KCNH1: variants seen among roughly 807,000 people sequenced by gnomAD.
KCNH1 encodes potassium voltage-gated channel subfamily H member 1.
KCNH1 carries 27 observed loss-of-function variants against 69.2 expected under a neutral mutation model. That is an observed-to-expected ratio of 0.39 (90% confidence interval 0.29 to 0.54). The LOEUF (loss-of-function observed/expected upper bound fraction) is 0.54, where lower values mean the gene tolerates loss of function less well. Among genes scored for constraint, KCNH1 ranks in the 20% least tolerant of loss-of-function variants. KCNH1 has a pLI of 0.68. For synonymous variants in KCNH1, 456 were observed against 487.7 expected (o/e 0.93, Z 0.86); for missense variants, 798 against 1,261.6 (o/e 0.63, Z 5.57).
chr1:210,841,553 T>C (rs1007320527), intron 7 of KCNH1, among the ~76,000 whole-genome samples: 14 of 152,190 alleles, frequency 9.2e-5, no homozygotes, highest in Non-Finnish European at 1.5e-5. Flanking sequence ...CTTAAGAAAT[T>C]GACATGTTTC....
At chr1:210,935,919 T>G (rs1187718876) in intron 6 of KCNH1, among the ~76,000 whole-genome samples, 2 of 152,350 alleles carry the variant, frequency 1.3e-5, no homozygotes, top group East Asian at 3.9e-4. Flanking sequence ...GTGCAAGCTA[T>G]CAAATTTTAG....
chr1:210,963,294 A>G (rs1189694946), intron 6 of KCNH1, among the ~76,000 whole-genome samples: 5 of 152,176 alleles, frequency 3.3e-5, no homozygotes, highest in Non-Finnish European at 7.3e-5. Flanking sequence ...CACCAACATT[A>G]AAGTCCAAAG....
At chr1:210,928,356 C>T (rs1430325016) in intron 6 of KCNH1, among the ~76,000 whole-genome samples, 8 of 152,022 alleles carry the variant, frequency 5.3e-5, no homozygotes, top group Admixed American at 1.3e-4. Flanking sequence ...ATCTAAATTA[C>T]ATAAAGTACT....
chr1:210,741,643 G>T (rs1485512288), intron 10 of KCNH1, among the ~76,000 whole-genome samples: 1 of 152,200 alleles, frequency 6.6e-6, no homozygotes, highest in African/African-American at 2.4e-5. Context: ...GGCACAGGAG[G>T]TTAATGGAAG....
intron 7 of KCNH1, among the ~76,000 whole-genome samples, chr1:210,838,632 C>G (rs1191100444): frequency 6.6e-6 from 1 of 152,086 alleles, no homozygotes; most frequent in East Asian, 1.9e-4. Flanking sequence ...TAAACACAAC[C>G]TATAGAATGG....
At chr1:211,015,007 G>T (rs548007566) in intron 6 of KCNH1, among the ~76,000 whole-genome samples, 152 of 145,868 alleles carry the variant, frequency 1.0e-3, no homozygotes, top group African/African-American at 3.7e-3. Flanking sequence ...CCAACATCCT[G>T]TAACAAACAT....
At chr1:210,720,960 T>C (rs187253452) in intron 10 of KCNH1, among the ~76,000 whole-genome samples, 1 of 152,322 alleles carries the variant, frequency 6.6e-6, no homozygotes, top group Admixed American at 6.5e-5. Context: ...TGTATCTCTT[T>C]CTTTTATAAC....
intron 9 of KCNH1, among the ~76,000 whole-genome samples, chr1:210,797,183 G>A (rs1684331905): frequency 6.6e-6 from 1 of 152,166 alleles, no homozygotes; most frequent in African/African-American, 2.4e-5. Flanking sequence ...CATAGGTACA[G>A]GAAGCCTTCC....
intron 3 of KCNH1, among the ~76,000 whole-genome samples, chr1:211,099,077 C>T (rs1691208824): frequency 6.6e-6 from 1 of 152,138 alleles, no homozygotes; most frequent in Non-Finnish European, 1.5e-5. Flanking sequence ...AATTGAGCCT[C>T]ATAAATATCT....
chr1:210,685,721 CAGATGA>C (rs3067942), intron 10 of KCNH1, among the ~76,000 whole-genome samples: 51,827 of 151,644 alleles, frequency 0.34, 10,123 homozygotes, highest in South Asian at 0.52. Flanking sequence ...TCACAGCCCC[CAGATGA>C]AGATGACAAG....
intron 7 of KCNH1, among the ~76,000 whole-genome samples, chr1:210,825,106 T>C (rs891243147): frequency 6.6e-6 from 1 of 152,246 alleles, no homozygotes; most frequent in South Asian, 2.1e-4. Flanking sequence ...TTCCTTGAAG[T>C]GATGGGTTCA....
At chr1:211,106,404 T>C (rs903847088) in intron 2 of KCNH1, among the ~76,000 whole-genome samples, 3 of 152,186 alleles carry the variant, frequency 2.0e-5, no homozygotes, top group African/African-American at 7.2e-5. Context: ...CAGTACAATT[T>C]GCTAAGAGTT....
chr1:211,101,105 T>G (rs1442915020), intron 3 of KCNH1, among the ~76,000 whole-genome samples: 1 of 152,202 alleles, frequency 6.6e-6, no homozygotes, highest in Non-Finnish European at 1.5e-5. Flanking sequence ...TTTCCTTCCC[T>G]GACCCCCTAG....
intron 6 of KCNH1, among the ~76,000 whole-genome samples, chr1:210,963,029 T>G (rs1402506387): frequency 6.6e-6 from 1 of 151,868 alleles, no homozygotes; most frequent in East Asian, 1.9e-4. Context: ...CTTATTGCTT[T>G]GTGGAACTTT....
intron 5 of KCNH1, among the ~76,000 whole-genome samples, chr1:211,061,826 A>T (rs946008253): frequency 1.3e-5 from 2 of 152,282 alleles, no homozygotes; most frequent in African/African-American, 4.8e-5. Context: ...GACACACACA[A>T]AAAAGGAAAA....
intron 6 of KCNH1, among the ~76,000 whole-genome samples, chr1:210,993,110 C>T (rs746896688): frequency 5.9e-5 from 9 of 152,314 alleles, no homozygotes; most frequent in East Asian, 3.9e-4. Flanking sequence ...TCCCTGCTTA[C>T]GTCAGCCCCC....
chr1:210,993,085 A>G (rs959107695), intron 6 of KCNH1, among the ~76,000 whole-genome samples: 1 of 152,136 alleles, frequency 6.6e-6, no homozygotes, highest in African/African-American at 2.4e-5. Flanking sequence ...TCACTCACTT[A>G]AGCTTGCCCA....
intron 3 of KCNH1, among the ~76,000 whole-genome samples, chr1:211,099,383 C>T (rs1691217332): frequency 6.6e-6 from 1 of 152,004 alleles, no homozygotes; most frequent in Admixed American, 6.6e-5. Flanking sequence ...AAAAAATATA[C>T]TTCAAGATAG....
At chr1:211,075,990 G>A (rs542089546) in intron 5 of KCNH1, among the ~76,000 whole-genome samples, 2 of 152,226 alleles carry the variant, frequency 1.3e-5, no homozygotes, top group African/African-American at 4.8e-5. Context: ...GAGCACAGCA[G>A]TCTGAGATTG....
Sources: gnomAD v4.1 joint callset for allele counts (sites outside exome capture counted in the v4.1 genomes callset) on GRCh38, gnomAD v4.1.1 for gene constraint, MANE v1.5 for transcripts, NCBI Gene and HGNC (gene_info 2026-07-23, HGNC 2026-07-21) for gene names.